The following SRBD1 variants were observed in gnomAD, a reference collection of about 807,000 sequenced individuals.
The protein encoded by SRBD1 is S1 RNA binding domain 1, also known as S1 RNA-binding domain-containing protein 1.
SRBD1 carries 88 observed loss-of-function variants against 115.3 expected under a neutral mutation model. The ratio of observed to expected loss-of-function variants is 0.76; its 90% confidence interval spans 0.64 to 0.91. The LOEUF is 0.91. Ranked by LOEUF, SRBD1 falls within the 40% of genes least tolerant of loss-of-function variation. SRBD1 has a pLI of 0.00. For synonymous variants in SRBD1, 509 were observed against 407.7 expected (o/e 1.25, Z -2.99); for missense variants, 1,385 against 1,177.4 (o/e 1.18, Z -2.58).
intron 16 of SRBD1, among the ~76,000 whole-genome samples, chr2:45,454,521 CAT>C (rs1669093954): frequency 6.6e-6 from 1 of 151,790 alleles, no homozygotes; most frequent in Admixed American, 6.6e-5. Flanking sequence ...TGAATAGTAA[CAT>C]GTTATAAAAC....
chr2:45,527,660 A>G (rs992627579), intron 14 of SRBD1, among the ~76,000 whole-genome samples: 5 of 151,884 alleles, frequency 3.3e-5, no homozygotes, highest in Non-Finnish European at 7.4e-5. Flanking sequence ...GTACTATTCA[A>G]TTTAATCTTC....
At chr2:45,498,079 C>T (rs1377567462) in intron 14 of SRBD1, among the ~76,000 whole-genome samples, 1 of 152,156 alleles carries the variant, frequency 6.6e-6, no homozygotes, top group Non-Finnish European at 1.5e-5. Flanking sequence ...TACTATTTGT[C>T]TCTCTTTTTA....
intron 16 of SRBD1, among the ~76,000 whole-genome samples, chr2:45,442,935 C>G (rs1168488051): frequency 6.6e-6 from 1 of 152,074 alleles, no homozygotes; most frequent in Non-Finnish European, 1.5e-5. Flanking sequence ...TAATAAATAT[C>G]TACTGTTTTG....
chr2:45,480,715 C>T (rs183368147), intron 15 of SRBD1, among the ~76,000 whole-genome samples: 1 of 152,250 alleles, frequency 6.6e-6, no homozygotes, highest in Admixed American at 6.5e-5. Context: ...GATAAAGCAG[C>T]AGCAGCAGGA....
intron 16 of SRBD1, among the ~76,000 whole-genome samples, chr2:45,436,104 C>CA (rs1240259235): frequency 1.3e-5 from 2 of 151,538 alleles, no homozygotes; most frequent in East Asian, 3.9e-4. Context: ...GTTCAACATT[C>CA]AAAAAATCAA....
chr2:45,402,422 A>G (rs529851614), intron 19 of SRBD1, among the ~76,000 whole-genome samples: 27 of 152,296 alleles, frequency 1.8e-4, no homozygotes, highest in Non-Finnish European at 3.2e-4. Flanking sequence ...TAAGGGTCAC[A>G]AATAAGCACA....
intron 15 of SRBD1, among the ~76,000 whole-genome samples, chr2:45,482,138 AT>A (rs998847908): frequency 1.3e-5 from 2 of 152,150 alleles, no homozygotes; most frequent in Non-Finnish European, 2.9e-5. Flanking sequence ...TGAAGCTATT[AT>A]TTTTTAAAAT....
At chr2:45,561,169 A>T (rs1672653582) in intron 10 of SRBD1, among the ~76,000 whole-genome samples, 2 of 152,260 alleles carry the variant, frequency 1.3e-5, no homozygotes, top group East Asian at 3.9e-4. Flanking sequence ...AAAGACACTT[A>T]TTTGCCACTA....
chr2:45,416,455 GACA>G (rs1480253094), intron 18 of SRBD1, among the ~76,000 whole-genome samples: 18 of 151,180 alleles, frequency 1.2e-4, no homozygotes, highest in African/African-American at 4.1e-4. Flanking sequence ...TCATCAATAA[GACA>G]CTGATTAGAC....
intron 16 of SRBD1, among the ~76,000 whole-genome samples, chr2:45,433,693 G>A (rs1473502370): frequency 6.6e-6 from 1 of 152,096 alleles, no homozygotes; most frequent in East Asian, 1.9e-4. Flanking sequence ...ATATACTCCC[G>A]TTAAAGACAA....
chr2:45,500,872 G>C (rs1348097362), intron 14 of SRBD1, among the ~76,000 whole-genome samples: 1 of 152,038 alleles, frequency 6.6e-6, no homozygotes, highest in Non-Finnish European at 1.5e-5. Context: ...TTTCTAATTT[G>C]GATGCTCTTT....
intron 9 of SRBD1, among the ~76,000 whole-genome samples, chr2:45,571,550 T>C (rs1673018001): frequency 1.2e-5 from 1 of 84,452 alleles, no homozygotes; most frequent in Non-Finnish European, 2.3e-5. Context: ...AAACTGTCCA[T>C]GAGGAAGCTT....
intron 14 of SRBD1, among the ~76,000 whole-genome samples, chr2:45,509,127 A>C (rs1670884394): frequency 6.6e-6 from 1 of 152,036 alleles, no homozygotes; most frequent in Admixed American, 6.5e-5. Flanking sequence ...AACATAACTA[A>C]TTGATATCAA....
chr2:45,503,703 CA>C (rs1268357627), intron 14 of SRBD1, among the ~76,000 whole-genome samples: 1 of 152,064 alleles, frequency 6.6e-6, no homozygotes, highest in African/African-American at 2.4e-5. Context: ...CATACTTCAA[CA>C]AATGTAAAAT....
intron 7 of SRBD1, 46 bp from the exon 8 acceptor site, chr2:45,574,769 A>C: frequency 6.7e-7 from 1 of 1,486,258 alleles, no homozygotes. Flanking sequence ...AAAGTATACG[A>C]TTGGTTTTAA....
intron 18 of SRBD1, among the ~76,000 whole-genome samples, chr2:45,414,618 C>T (rs557935277): frequency 1.6e-3 from 195 of 121,366 alleles, no homozygotes; most frequent in African/African-American, 5.8e-3. Context: ...AGTGTGTGTA[C>T]ACACATAGTG....
At chr2:45,559,512 T>C (rs1468964409) in intron 10 of SRBD1, among the ~76,000 whole-genome samples, 2 of 152,194 alleles carry the variant, frequency 1.3e-5, no homozygotes, top group Non-Finnish European at 2.9e-5. Flanking sequence ...GTTGTTCTCA[T>C]TAAACTACGC....
intron 16 of SRBD1, among the ~76,000 whole-genome samples, chr2:45,428,531 G>A (rs987836571): frequency 1.3e-5 from 2 of 151,802 alleles, no homozygotes; most frequent in African/African-American, 2.4e-5. Flanking sequence ...CAGCCTCGGC[G>A]ACAGAACGAG....
intron 10 of SRBD1, among the ~76,000 whole-genome samples, chr2:45,556,448 C>CTTT (rs59284495): frequency 0.34 from 26,758 of 78,676 alleles, 8,959 homozygotes; most frequent in Non-Finnish European, 0.42. Context: ...TGCTCTATTA[C>CTTT]TTTTTTTTTT....
Sources: allele counts gnomAD v4.1 joint callset (sites outside exome capture counted in the v4.1 genomes callset), GRCh38; gene constraint gnomAD v4.1.1; transcripts MANE v1.5; gene names NCBI Gene and HGNC (gene_info 2026-07-23, HGNC 2026-07-21).